LRCH2: variants seen among roughly 807,000 people sequenced by gnomAD.
The protein encoded by LRCH2 is leucine rich repeats and calponin homology domain containing 2, also known as leucine-rich repeat and calponin homology domain-containing protein 2.
In LRCH2, 38 loss-of-function variants were observed where a neutral mutation model predicts 68.9. That is an observed-to-expected ratio of 0.55 (90% CI 0.43 to 0.72). LRCH2 has a LOEUF of 0.72. Among genes scored for constraint, LRCH2 ranks in the 30% least tolerant of loss-of-function variants. The probability of loss-of-function intolerance (pLI) is 0.00; values close to 1 mark genes in which losing one functional copy is unlikely to be tolerated. For synonymous variants in LRCH2, 191 were observed against 208.1 expected (o/e 0.92, Z 0.71); for missense variants, 528 against 572.9 (o/e 0.92, Z 0.80).
At chrX:115,223,949 G>A (rs1556575230) in intron 1 of LRCH2, among the ~76,000 whole-genome samples, 1 of 108,623 alleles carries the variant, frequency 9.2e-6, no homozygotes, top group African/African-American at 3.3e-5. Context: ...AGAAGAAGAA[G>A]AAGGAAAGAA....
At position 115,211,759 on chromosome X, in the gene LRCH2, A is replaced by AC. The variant is rs781895482; in HGVS notation, c.349+21933dup. 4.2e-3 allele frequency among the ~76,000 whole-genome samples: 457 copies of AC among 109,824 alleles called. 1 individual carries two copies. Among genetic ancestry groups the AC allele is most frequent in the Middle Eastern group, 0.014 (3 of 210 alleles). ...GAATTCTAAATCTAACAACATCCAC[A>AC]CACCCCCCCAAGATTGCTTCTTGCA... On this transcript the variant is annotated intron_variant, in intron 1 of 20. Transcript: ENST00000317135.
intron 1 of LRCH2, among the ~76,000 whole-genome samples, chrX:115,210,140 A>G (rs1556569523): frequency 8.9e-6 from 1 of 112,230 alleles, no homozygotes; most frequent in Non-Finnish European, 1.9e-5. Context: ...TTGCATAAGT[A>G]TCCAGGACCC....
intron 15 of LRCH2, among the ~76,000 whole-genome samples, chrX:115,129,143 CAG>C (rs1569511978): frequency 8.9e-6 from 1 of 111,791 alleles, no homozygotes; most frequent in East Asian, 2.8e-4. Context: ...GCTTGAACCT[CAG>C]GGGAGAGGTC....
At chrX:115,119,292 C>A (rs1556525040) in intron 20 of LRCH2, among the ~76,000 whole-genome samples, 1 of 108,398 alleles carries the variant, frequency 9.2e-6, no homozygotes, top group Admixed American at 1.0e-4. Flanking sequence ...CCCAAAATCT[C>A]CTTAACCTGA....
rs56337951 is a variant in LRCH2, at chrX:115,184,408, C to T, written c.621+3G>A. 36,874 of 1,155,267 alleles carry T rather than the reference C, an allele frequency of 0.032. 542 individuals are homozygous for T. Among genetic ancestry groups the T allele is most frequent in the Non-Finnish European group, 0.038 (32,460 of 863,953 alleles). On this transcript the variant is annotated splice_donor_region_variant and intron_variant, in intron 3 of 20. Transcript: ENST00000317135. ...CATTAATTAATACAACTAAGTTACTCACCAATTCCATTAAATCTTTTAACT... is the reference window on the plus strand; with the variant it reads ...CATTAATTAATACAACTAAGTTACTTACCAATTCCATTAAATCTTTTAACT...
intron 6 of LRCH2, 80 bp from the exon 7 acceptor site, chrX:115,166,422 G>T: frequency 1.7e-6 from 1 of 600,256 alleles, no homozygotes; most frequent in Non-Finnish European, 2.7e-6. Flanking sequence ...AATTTCCCTA[G>T]ATAATACAGA....
At chrX:115,193,455 G>C (rs1174756786) in intron 1 of LRCH2, among the ~76,000 whole-genome samples, 2 of 110,686 alleles carry the variant, frequency 1.8e-5, no homozygotes, top group Non-Finnish European at 3.8e-5. Flanking sequence ...CTGGTGAGTT[G>C]CTCAAGCCAG....
At chrX:115,190,496 T>C (rs2038407442) in intron 1 of LRCH2, 1 of 1,165,155 alleles carries the variant, frequency 8.6e-7, no homozygotes, top group African/African-American at 1.8e-5. Context: ...TTGCCAGTCG[T>C]CTTGCCAGAC....
At chrX:115,141,377 G>A (rs1296547490) in intron 14 of LRCH2, among the ~76,000 whole-genome samples, 1 of 111,422 alleles carries the variant, frequency 9.0e-6, no homozygotes, top group Admixed American at 9.5e-5. Context: ...ATCAACATAT[G>A]TAAGACAAAC....
chrX:115,191,813 G>C, intron 1 of LRCH2: 1 of 1,153,752 alleles, frequency 8.7e-7, no homozygotes, highest in African/African-American at 1.8e-5. Flanking sequence ...GATGCCAACA[G>C]CGGAGGCCGC....
intron 1 of LRCH2, among the ~76,000 whole-genome samples, chrX:115,205,077 G>C (rs912593267): frequency 9.0e-6 from 1 of 111,463 alleles, no homozygotes; most frequent in African/African-American, 3.3e-5. Flanking sequence ...AATCATGGTG[G>C]AAGGTGAAGA....
chrX:115,130,137 A>G lies in LRCH2; in HGVS notation c.1740+18T>C. 1 of 944,072 alleles carries G rather than the reference A, an allele frequency of 1.1e-6. No homozygotes were observed. Among genetic ancestry groups the G allele is most frequent in the Non-Finnish European group, 1.5e-6 (1 of 685,010 alleles). The allele number at this position is 944,072 out of a possible 1,213,427, so 77.8% of individuals were successfully genotyped here. ...TAAGTAAACATTTCAAATAATTATTAATATTATCTTTTCTCACCTCATCAT... is the reference window on the plus strand; with the variant it reads ...TAAGTAAACATTTCAAATAATTATTGATATTATCTTTTCTCACCTCATCAT... On this transcript the variant is annotated intron_variant, in intron 15 of 20. Transcript: ENST00000317135.
Position 115,127,478 on chromosome X carries a change from G to C in LRCH2, c.1741-585C>G, listed in dbSNP as rs933065418. Among the ~76,000 whole-genome samples, 13 of 111,782 alleles carry C rather than the reference G, an allele frequency of 1.2e-4. No homozygotes were observed. The Admixed American group carries it at 1.2e-3, about 11-fold the overall frequency. On this transcript the variant is annotated intron_variant, in intron 15 of 20. Coordinates refer to ENST00000317135, the MANE Select transcript of LRCH2 (RefSeq NM_020871.4). ...ATTATTGGCTACCTACTATATGTCA[G>C]ACACTATGCTAGACAGTGAGAGTAC... is the stretch of plus-strand genomic sequence containing the variant.
chrX:115,154,244 C>A lies in LRCH2; in HGVS notation c.1529+2358G>T, dbSNP rs782456999. Among the ~76,000 whole-genome samples, 7 of 111,476 alleles carry A rather than the reference C, an allele frequency of 6.3e-5. No homozygotes were observed. The East Asian group carries it at 2.0e-3, about 31-fold the overall frequency. On this transcript the variant is annotated intron_variant, in intron 12 of 20. Transcript: ENST00000317135. ...ATTTATATATCTAATAATAGAGCTTCAGAATGTATGAAGGAAAAATTATAG... is the reference window on the plus strand; with the variant it reads ...ATTTATATATCTAATAATAGAGCTTAAGAATGTATGAAGGAAAAATTATAG...
chrX:115,131,034 C>G (rs1321206558), intron 14 of LRCH2, among the ~76,000 whole-genome samples: 4 of 111,097 alleles, frequency 3.6e-5, no homozygotes, highest in African/African-American at 6.5e-5. Context: ...AATTTCTATG[C>G]CTGGCATTCA....
intron 1 of LRCH2, among the ~76,000 whole-genome samples, chrX:115,210,843 A>G (rs915809176): frequency 1.8e-5 from 2 of 111,999 alleles, no homozygotes; most frequent in Non-Finnish European, 3.8e-5. Context: ...CATGGAGTCA[A>G]AGGAGATCAT....
In LRCH2 at chrX:115,170,396, A is replaced by C; in HGVS notation, c.901T>G (p.Leu301Val). Residue 301 changes from leucine (L) to valine (V), a missense_variant, in exon 6 of 21, where the codon TTA becomes GTA. Transcript: ENST00000317135. ...ATTCTGCAACATGCTTGAATATTTA[A>C]GTACTTAAATATGTGCACCTTACCC... ...LKGKVHIFKY[L>V]NIQACCRMDK... is the part of the protein sequence containing the mutation. The C allele has an allele frequency of 8.5e-7, 1 of 1,170,462 alleles. No homozygotes were observed. Among genetic ancestry groups the C allele is most frequent in the Non-Finnish European group, 1.1e-6 (1 of 874,771 alleles).
chrX:115,182,872 G>A (rs2072703822), intron 3 of LRCH2, among the ~76,000 whole-genome samples: 1 of 105,789 alleles, frequency 9.5e-6, no homozygotes, highest in Non-Finnish European at 1.9e-5. Context: ...GTAAAATGGA[G>A]TGTAAACACA....
Position 115,163,689 on chromosome X carries a change from C to T in LRCH2, c.1450G>A (p.Glu484Lys), listed in dbSNP as rs2072536976. ...RKIAAQLLQQ[E>K]QKNRILNHST... ...TGAAAGGAATACCTGTTCTTCTGTTCTTGCTGCAATAACTGAGCAGCTATT... is the reference window on the plus strand; with the variant it reads ...TGAAAGGAATACCTGTTCTTCTGTTTTTGCTGCAATAACTGAGCAGCTATT... Residue 484 changes from glutamate to lysine, a missense_variant, in exon 11 of 21, where the codon GAA (glutamate) becomes AAA (lysine). By Grantham distance (56) the Glu-to-Lys change is moderately conservative. Coordinates refer to ENST00000317135, the MANE Select transcript of LRCH2 (RefSeq NM_020871.4). The T allele has an allele frequency of 2.5e-6, 3 of 1,188,881 alleles. No homozygotes were observed. The highest frequency in any genetic ancestry group is 3.4e-6 in the Non-Finnish European group (3 of 881,415).
Sources: gnomAD v4.1 joint callset for allele counts (sites outside exome capture counted in the v4.1 genomes callset) on GRCh38, gnomAD v4.1.1 for gene constraint, MANE v1.5 for transcripts, NCBI Gene and HGNC (gene_info 2026-07-23, HGNC 2026-07-21) for gene names.